KPNA7: variants seen among roughly 807,000 people sequenced by gnomAD.
KPNA7 encodes karyopherin subunit alpha 7.
In KPNA7, 54 loss-of-function variants were observed where a neutral mutation model predicts 53.7. The ratio of observed to expected loss-of-function variants is 1.01; its 90% CI spans 0.81 to 1.26. The LOEUF (loss-of-function observed/expected upper bound fraction) is 1.26, where lower values mean the gene tolerates loss of function less well. KPNA7 is among the 50% of genes most tolerant of loss of function. The pLI, the probability that KPNA7 is intolerant of heterozygous loss-of-function variation, is 0.00. For missense variants in KPNA7, 640 were observed against 644.5 expected, an observed-to-expected ratio of 0.99 and a Z score of 0.07; for synonymous variants, 276 against 259.3, an observed-to-expected ratio of 1.06 and a Z score of -0.62.
At chr7:99,210,913 G>A (rs141488445), upstream of KPNA7, among the ~76,000 whole-genome samples, 110 of 151,984 alleles carry the variant, frequency 7.2e-4, no homozygotes, top group Admixed American at 4.4e-3. Flanking sequence ...CAAGGCAGCA[G>A]GGAATATTTC....
intron 8 of KPNA7, among the ~76,000 whole-genome samples, chr7:99,182,817 T>G (rs1789338515): frequency 6.6e-6 from 1 of 152,088 alleles, no homozygotes; most frequent in Non-Finnish European, 1.5e-5. Flanking sequence ...GGAGTTATGC[T>G]TGGGGTTTTA....
At chr7:99,189,164 A>G (rs1293840726) in intron 6 of KPNA7, among the ~76,000 whole-genome samples, 1 of 152,200 alleles carries the variant, frequency 6.6e-6, no homozygotes, top group Non-Finnish European at 1.5e-5. Context: ...AAGATCAAGC[A>G]GGAGTTACTT....
At chr7:99,187,398 G>A (rs987838564) in intron 7 of KPNA7, among the ~76,000 whole-genome samples, 1 of 149,592 alleles carries the variant, frequency 6.7e-6, no homozygotes, top group African/African-American at 2.5e-5. Context: ...ATAATGGGTT[G>A]TTTTTTTTTT....
downstream of KPNA7, among the ~76,000 whole-genome samples, chr7:99,171,927 T>TC (rs1798778062): frequency 1.3e-5 from 2 of 152,136 alleles, no homozygotes; most frequent in Admixed American, 6.6e-5. Context: ...GACAGAGCTC[T>TC]CCAGTGGGTG....
chr7:99,193,695 G>A (rs1253430296), intron 5 of KPNA7, among the ~76,000 whole-genome samples: 3 of 151,486 alleles, frequency 2.0e-5, no homozygotes. Flanking sequence ...CGGGGGAGGG[G>A]GATACAGGAT....
chr7:99,153,387 A>G, the KPNA7 span, among the ~76,000 whole-genome samples: 5 of 152,070 alleles, frequency 3.3e-5, no homozygotes, highest in Admixed American at 6.6e-5. Context: ...GCGAAACCCC[A>G]TCTCTACAAA....
rs146088931 is a variant in KPNA7 at position 99,218,368 on chromosome 7, G to A, written c.-23-10879C>T. ...GCTGGTCTCAAACTCCTGTTCACAA[G>A]AAGGAGGCAAGAGACCAGGCCCTCT... is the stretch of plus-strand genomic sequence containing the variant. On this transcript the variant is annotated intron_variant, in intron 1 of 10. Coordinates refer to the KPNA7 transcript ENST00000681060. 4.7e-4 allele frequency among the ~76,000 whole-genome samples: 71 copies of A among 152,166 alleles called. 1 individual carries two copies. The East Asian group carries it at 7.7e-3, about 17-fold the overall frequency.
the KPNA7 span, among the ~76,000 whole-genome samples, chr7:99,150,259 C>T: frequency 6.6e-6 from 1 of 151,836 alleles, no homozygotes; most frequent in East Asian, 1.9e-4. Flanking sequence ...CCAAACCTGG[C>T]TAATTTTTAT....
At chr7:99,151,630 T>C in the KPNA7 span, among the ~76,000 whole-genome samples, 1 of 151,410 alleles carries the variant, frequency 6.6e-6, no homozygotes, top group East Asian at 1.9e-4. Flanking sequence ...AAAAAAAAAT[T>C]TTTTTTTCTA....
At chr7:99,178,866 C>T (rs10264067) in intron 9 of KPNA7, among the ~76,000 whole-genome samples, 131,621 of 150,364 alleles carry the variant, frequency 0.88, 57,869 homozygotes, top group Non-Finnish European at 0.92. Flanking sequence ...CACTACTCTC[C>T]CCACCTCCCA....
intron 3 of KPNA7, 116 bp downstream of exon 3, chr7:99,202,990 C>T (rs1790625191): frequency 1.5e-6 from 2 of 1,298,238 alleles, no homozygotes; most frequent in African/African-American, 1.5e-5. Flanking sequence ...TCACTCCTTT[C>T]TTTAAAAGCC....
At chr7:99,215,334 T>C (rs529907480) in intron 1 of KPNA7, among the ~76,000 whole-genome samples, 107 of 119,884 alleles carry the variant, frequency 8.9e-4, no homozygotes, top group African/African-American at 2.9e-3. Flanking sequence ...ATGGTGCCAC[T>C]GCACTCCAGC....
intron 7 of KPNA7, among the ~76,000 whole-genome samples, chr7:99,187,555 A>T (rs1162875429): frequency 1.6e-5 from 2 of 124,414 alleles, no homozygotes; most frequent in East Asian, 2.4e-4. Context: ...CACCCAGCTA[A>T]TTTTTTTTTT....
intron 7 of KPNA7, among the ~76,000 whole-genome samples, chr7:99,188,031 C>T (rs566633488): frequency 6.6e-6 from 1 of 151,040 alleles, no homozygotes; most frequent in African/African-American, 2.4e-5. Flanking sequence ...CAAAATGAGC[C>T]GGGCGTGGTC....
intron 5 of KPNA7, among the ~76,000 whole-genome samples, chr7:99,194,341 TTTG>T (rs1248321396): frequency 3.9e-5 from 6 of 152,110 alleles, no homozygotes; most frequent in East Asian, 1.9e-4. Flanking sequence ...GGAGTTTTTT[TTTG>T]TTGTTGTTGT....
chr7:99,187,840 C>A (rs1789697329), intron 7 of KPNA7, among the ~76,000 whole-genome samples: 2 of 123,048 alleles, frequency 1.6e-5, no homozygotes, highest in Admixed American at 9.4e-5. Flanking sequence ...AAAAAACCCA[C>A]TAGGATTTGA....
the KPNA7 span, among the ~76,000 whole-genome samples, chr7:99,167,408 C>G: frequency 6.6e-6 from 1 of 152,094 alleles, no homozygotes; most frequent in East Asian, 1.9e-4. Flanking sequence ...GCATTAGATT[C>G]CCATAGGAGA....
chr7:99,198,275 C>G (rs1338441676), intron 3 of KPNA7, among the ~76,000 whole-genome samples: 2 of 152,010 alleles, frequency 1.3e-5, no homozygotes, highest in African/African-American at 4.8e-5. Flanking sequence ...AAAATTCTCA[C>G]TCATTCTTAG....
At chr7:99,177,638 C>T (rs1445675766) in intron 10 of KPNA7, among the ~76,000 whole-genome samples, 1 of 150,450 alleles carries the variant, frequency 6.6e-6, no homozygotes, top group Non-Finnish European at 1.5e-5. Context: ...CCATACCTCT[C>T]CCAAAAAGGA....
Sources: allele counts gnomAD v4.1 joint callset (sites outside exome capture counted in the v4.1 genomes callset), GRCh38; gene constraint gnomAD v4.1.1; transcripts MANE v1.5; gene names NCBI Gene and HGNC (gene_info 2026-07-23, HGNC 2026-07-21).